PARM1: variants seen among roughly 807,000 people sequenced by gnomAD.
The protein encoded by PARM1 is prostate androgen-regulated mucin-like protein 1, also known as WSC4, cell wall integrity and stress response component 4 homolog.
Under a neutral mutation model 24.6 loss-of-function variants are expected in PARM1, and 14 were observed. The observed-to-expected ratio is 0.57, with a 90% CI of 0.38 to 0.89. The LOEUF (loss-of-function observed/expected upper bound fraction) is 0.89, where lower values mean the gene tolerates loss of function less well. Ranked by LOEUF, PARM1 falls within the 40% of genes least tolerant of loss-of-function variation. The pLI is 0.00. For missense variants in PARM1, 362 were observed against 380.4 expected (o/e 0.95, Z 0.40); for synonymous variants, 179 against 156.6 (o/e 1.14, Z -1.07).
intron 2 of PARM1, among the ~76,000 whole-genome samples, chr4:75,025,043 A>T (rs1405928089): frequency 6.6e-6 from 1 of 152,220 alleles, no homozygotes. Context: ...CATCATTGAA[A>T]TACTAAAGAG....
At chr4:75,009,922 G>A (rs1343506056) in intron 1 of PARM1, among the ~76,000 whole-genome samples, 2 of 152,056 alleles carry the variant, frequency 1.3e-5, no homozygotes, top group Non-Finnish European at 2.9e-5. Flanking sequence ...TGTGAAAGAC[G>A]AAAATGAGCA....
rs116449730 is a variant in PARM1 at position 75,005,941 on chromosome 4, T to C, written c.44-6484T>C. Among the ~76,000 whole-genome samples the C allele has an allele frequency of 2.3e-3, 354 of 152,328 alleles. 2 individuals carry two copies. Among genetic ancestry groups the C allele is most frequent in the Middle Eastern group, 6.8e-3 (2 of 294 alleles). On this transcript the variant is annotated intron_variant, in intron 1 of 3. Transcript: ENST00000307428. Reference sequence around the variant, plus strand: ...CCTGAATCTGTCCCTTTCATGTCTGTGGGCCTGTCACTGCCCCAGCAGGAC... The same window carrying C: ...CCTGAATCTGTCCCTTTCATGTCTGCGGGCCTGTCACTGCCCCAGCAGGAC...
intron 1 of PARM1, among the ~76,000 whole-genome samples, chr4:74,949,616 G>A (rs184972840): frequency 6.6e-6 from 1 of 152,252 alleles, no homozygotes; most frequent in Non-Finnish European, 1.5e-5. Context: ...CCAGCCTATA[G>A]GTCAGTTTTC....
chr4:74,935,968 A>C (rs1207806886), intron 1 of PARM1, among the ~76,000 whole-genome samples: 2 of 152,010 alleles, frequency 1.3e-5, no homozygotes, highest in East Asian at 3.9e-4. Flanking sequence ...AGTAGCTGGG[A>C]CTACAGGTTC....
rs148888384 is a variant in PARM1 at position 74,944,443 on chromosome 4, G to A, written c.43+11073G>A. ...GTCAGCAGCCTTGACTGTAAACAGA[G>A]GTGTGGCCCCAGAGAGTAGCTCTGA... On this transcript the variant is annotated intron_variant, in intron 1 of 3. Coordinates refer to ENST00000307428, the MANE Select transcript of PARM1 (RefSeq NM_015393.4). Among the ~76,000 whole-genome samples the A allele has an allele frequency of 3.3e-4, 51 of 152,246 alleles. No individual in the cohort carries two copies. The East Asian group carries it at 9.7e-3, about 29-fold the overall frequency.
intron 1 of PARM1, among the ~76,000 whole-genome samples, chr4:74,935,672 G>A (rs1311816591): frequency 1.3e-5 from 2 of 152,018 alleles, no homozygotes; most frequent in East Asian, 3.9e-4. Context: ...ATACTTTCTT[G>A]AGCCAGGAAC....
In PARM1 at chr4:75,047,561, G is replaced by A. The variant is rs1239933399; in HGVS notation, c.*1314G>A. Reference sequence around the variant, plus strand: ...ACCCCAGGGACATTCAAAAATGTCTGGTGACAGTTTTCATTGTCATGACTT... The same window carrying A: ...ACCCCAGGGACATTCAAAAATGTCTAGTGACAGTTTTCATTGTCATGACTT... On this transcript the variant is annotated 3_prime_UTR_variant, in exon 4 of 4. Coordinates refer to ENST00000307428, the MANE Select transcript of PARM1 (RefSeq NM_015393.4). 1 of 152,238 alleles carries A rather than the reference G, an allele frequency of 6.6e-6. No homozygotes were observed. The highest frequency in any genetic ancestry group is 1.9e-4 in the East Asian group (1 of 5,194). The allele number at this position is 152,238 out of a possible 1,614,324, so 9.4% of individuals were successfully genotyped here.
chr4:74,961,737 G>A (rs569517686), intron 1 of PARM1, among the ~76,000 whole-genome samples: 1 of 152,292 alleles, frequency 6.6e-6, no homozygotes, highest in East Asian at 1.9e-4. Flanking sequence ...TCTTTCAAAA[G>A]AGGAGAAATT....
intron 1 of PARM1, chr4:74,993,914 A>G (rs1174479240): frequency 6.6e-6 from 1 of 152,196 alleles, no homozygotes; most frequent in Non-Finnish European, 1.5e-5. Flanking sequence ...TTATACATCA[A>G]TTATACCTCA....
intron 1 of PARM1, among the ~76,000 whole-genome samples, chr4:74,960,879 G>A (rs535024949): frequency 3.1e-4 from 47 of 151,906 alleles, no homozygotes; most frequent in African/African-American, 1.0e-3. Context: ...GCGGGGTGTG[G>A]TGGCAGGCCC....
chr4:74,963,150 G>A (rs1212402270), intron 1 of PARM1, among the ~76,000 whole-genome samples: 1 of 152,112 alleles, frequency 6.6e-6, no homozygotes, highest in Non-Finnish European at 1.5e-5. Context: ...CCAGCAATGC[G>A]GATCTGTGAG....
intron 1 of PARM1, among the ~76,000 whole-genome samples, chr4:74,953,430 G>A (rs1721568844): frequency 6.6e-6 from 1 of 152,174 alleles, no homozygotes; most frequent in Non-Finnish European, 1.5e-5. Context: ...GAGATAAAAA[G>A]TTACAAAGCA....
intron 1 of PARM1, among the ~76,000 whole-genome samples, chr4:74,996,669 T>C (rs1722581144): frequency 6.6e-6 from 1 of 152,196 alleles, no homozygotes; most frequent in South Asian, 2.1e-4. Context: ...ACTCTTCTCT[T>C]AGGGAATTTT....
At chr4:74,958,124 A>G (rs534702936) in intron 1 of PARM1, among the ~76,000 whole-genome samples, 20 of 152,228 alleles carry the variant, frequency 1.3e-4, no homozygotes, top group Non-Finnish European at 2.4e-4. Flanking sequence ...CTTACAGGTA[A>G]TAAATAGCAT....
chr4:74,943,467 G>C (rs1471488819), intron 1 of PARM1, among the ~76,000 whole-genome samples: 2 of 151,774 alleles, frequency 1.3e-5, no homozygotes, highest in Non-Finnish European at 2.9e-5. Context: ...TTACTATCAG[G>C]TGCTTATGTC....
intron 1 of PARM1, among the ~76,000 whole-genome samples, chr4:74,995,609 A>G (rs1722560516): frequency 6.6e-6 from 1 of 152,150 alleles, no homozygotes; most frequent in Non-Finnish European, 1.5e-5. Flanking sequence ...TGCCCTCTTA[A>G]GCATTCATTC....
At chr4:74,957,681 T>C (rs1469013290) in intron 1 of PARM1, among the ~76,000 whole-genome samples, 1 of 152,194 alleles carries the variant, frequency 6.6e-6, no homozygotes, top group Non-Finnish European at 1.5e-5. Flanking sequence ...TCTTCTGTCA[T>C]TTGTCTAGAG....
chr4:75,022,680 A>G (rs1469588873), intron 2 of PARM1, among the ~76,000 whole-genome samples: 4 of 152,216 alleles, frequency 2.6e-5, no homozygotes, highest in Non-Finnish European at 5.9e-5. Flanking sequence ...TTATAGATAC[A>G]GCTGATACCA....
intron 2 of PARM1, among the ~76,000 whole-genome samples, chr4:75,023,572 G>A (rs190787400): frequency 2.6e-5 from 4 of 152,284 alleles, no homozygotes; most frequent in Non-Finnish European, 5.9e-5. Flanking sequence ...TTATTACTGT[G>A]AATATTAGGT....
Sources: gnomAD v4.1 joint callset for allele counts (sites outside exome capture counted in the v4.1 genomes callset) on GRCh38, gnomAD v4.1.1 for gene constraint, MANE v1.5 for transcripts, NCBI Gene and HGNC (gene_info 2026-07-23, HGNC 2026-07-21) for gene names.